Variants in DENND1A observed in about 807,000 individuals in gnomAD.
DENND1A encodes the protein DENN domain-containing protein 1A.
In DENND1A, 51 loss-of-function variants were observed where a neutral mutation model predicts 113.7. The ratio of observed to expected loss-of-function variants is 0.45; its 90% confidence interval spans 0.36 to 0.57. The LOEUF (loss-of-function observed/expected upper bound fraction) is 0.57. Ranked by LOEUF, DENND1A falls within the 20% of genes least tolerant of loss-of-function variation. DENND1A has a pLI of 0.00. For synonymous variants in DENND1A, 565 were observed against 570.8 expected, an observed-to-expected ratio of 0.99 and a Z score of 0.14; for missense variants, 1,258 against 1,395.9, an observed-to-expected ratio of 0.90 and a Z score of 1.57.
chr9:123,385,573 A>C (rs548890462), intron 22 of DENND1A, among the ~76,000 whole-genome samples: 5 of 152,290 alleles, frequency 3.3e-5, no homozygotes, highest in African/African-American at 9.6e-5. Flanking sequence ...CTGGCGGTCA[A>C]GGGTAGGATC....
chr9:123,434,883 A>G (rs1276258744), intron 19 of DENND1A, among the ~76,000 whole-genome samples: 2 of 152,228 alleles, frequency 1.3e-5, no homozygotes, highest in Non-Finnish European at 2.9e-5. Context: ...TGGGGACTAC[A>G]GGGAGTACCA....
chr9:123,394,693 C>T (rs2131114973), intron 21 of DENND1A, among the ~76,000 whole-genome samples: 1 of 152,270 alleles, frequency 6.6e-6, no homozygotes, highest in East Asian at 1.9e-4. Context: ...CGACCACTGG[C>T]TGGACACTCA....
At chr9:123,610,349 T>C (rs1483335755) in intron 10 of DENND1A, among the ~76,000 whole-genome samples, 1 of 152,204 alleles carries the variant, frequency 6.6e-6, no homozygotes, top group East Asian at 1.9e-4. Flanking sequence ...GCAATACCCA[T>C]AGATACAATA....
chr9:123,884,593 C>CCATG (rs1014377075), intron 1 of DENND1A, among the ~76,000 whole-genome samples: 2 of 152,088 alleles, frequency 1.3e-5, no homozygotes, highest in African/African-American at 2.4e-5. Flanking sequence ...TCTAAGCAAA[C>CCATG]CATGCATGCA....
chr9:123,620,714 A>G (rs2060915052), intron 10 of DENND1A, among the ~76,000 whole-genome samples: 1 of 152,192 alleles, frequency 6.6e-6, no homozygotes, highest in Non-Finnish European at 1.5e-5. Context: ...CCTAATCATC[A>G]GTCCCACCAC....
At chr9:123,527,699 C>T (rs1293421321) in intron 13 of DENND1A, among the ~76,000 whole-genome samples, 1 of 152,180 alleles carries the variant, frequency 6.6e-6, no homozygotes, top group Non-Finnish European at 1.5e-5. Context: ...ATTTTCTGCA[C>T]TGGTCTGACC....
intron 10 of DENND1A, among the ~76,000 whole-genome samples, chr9:123,620,339 C>T (rs1378348124): frequency 6.6e-6 from 1 of 151,976 alleles, no homozygotes; most frequent in Non-Finnish European, 1.5e-5. Flanking sequence ...AATGAAGGTG[C>T]ATCTCAGTGT....
chr9:123,525,479 G>A (rs1322223572), intron 13 of DENND1A, among the ~76,000 whole-genome samples: 2 of 152,306 alleles, frequency 1.3e-5, no homozygotes, highest in Non-Finnish European at 2.9e-5. Flanking sequence ...CTGTATACTC[G>A]TGTAGGTAGC....
chr9:123,447,768 G>C (rs2047410769), intron 18 of DENND1A, among the ~76,000 whole-genome samples: 1 of 150,716 alleles, frequency 6.6e-6, no homozygotes, highest in Non-Finnish European at 1.5e-5. Flanking sequence ...AGATAAAGGG[G>C]AGGAGGGAAA....
At chr9:123,561,806 G>A (rs963750588) in intron 12 of DENND1A, among the ~76,000 whole-genome samples, 7 of 152,076 alleles carry the variant, frequency 4.6e-5, no homozygotes, top group South Asian at 2.1e-4. Context: ...CTTGGTTACC[G>A]CAGCATCATC....
chr9:123,744,861 C>T (rs560049390), intron 5 of DENND1A, among the ~76,000 whole-genome samples: 2 of 150,794 alleles, frequency 1.3e-5, no homozygotes, highest in African/African-American at 2.4e-5. Flanking sequence ...CTGCAACCTC[C>T]GCCTCCCAGG....
At chr9:123,813,902 G>A (rs1837044929) in intron 2 of DENND1A, among the ~76,000 whole-genome samples, 2 of 152,170 alleles carry the variant, frequency 1.3e-5, no homozygotes, top group Admixed American at 6.5e-5. Flanking sequence ...CACTTAGGAA[G>A]ACGCTTATCT....
intron 2 of DENND1A, among the ~76,000 whole-genome samples, chr9:123,826,757 C>T (rs1289080002): frequency 6.6e-6 from 1 of 152,194 alleles, no homozygotes; most frequent in Non-Finnish European, 1.5e-5. Context: ...TGTGGACAAG[C>T]ATCTCACCCA....
At chr9:123,737,646 C>G (rs1433983069) in intron 5 of DENND1A, among the ~76,000 whole-genome samples, 2 of 152,058 alleles carry the variant, frequency 1.3e-5, no homozygotes, top group Admixed American at 6.5e-5. Context: ...AAAAGTACTC[C>G]CCGCTCCTCC....
intron 9 of DENND1A, among the ~76,000 whole-genome samples, chr9:123,630,681 AAAG>A (rs1458412396): frequency 6.6e-6 from 1 of 152,230 alleles, no homozygotes; most frequent in Non-Finnish European, 1.5e-5. Context: ...TTCTGATGAT[AAAG>A]CTAATATACG....
chr9:123,494,798 A>T (rs1449422370), intron 13 of DENND1A, among the ~76,000 whole-genome samples: 2 of 149,842 alleles, frequency 1.3e-5, no homozygotes, highest in African/African-American at 4.9e-5. Flanking sequence ...CTTTTTTTGT[A>T]CTTTTTTTTT....
intron 2 of DENND1A, chr9:123,843,007 C>A (rs776348530): frequency 2.7e-5 from 12 of 439,850 alleles, no homozygotes; most frequent in Non-Finnish European, 4.5e-5. Context: ...CTTCCCCAAG[C>A]GAGAGAGATA....
intron 2 of DENND1A, chr9:123,798,149 A>C (rs555075582): frequency 6.6e-6 from 1 of 152,314 alleles, no homozygotes; most frequent in East Asian, 1.9e-4. Flanking sequence ...TTTAAAGTAT[A>C]ATCAAATGCA....
chr9:123,568,079 A>T (rs1257650521), intron 12 of DENND1A, among the ~76,000 whole-genome samples: 8 of 152,032 alleles, frequency 5.3e-5, no homozygotes, highest in Non-Finnish European at 1.2e-4. Context: ...GAATGAGACA[A>T]CTCAGATGGA....
Sources: allele counts gnomAD v4.1 joint callset (sites outside exome capture counted in the v4.1 genomes callset), GRCh38; gene constraint gnomAD v4.1.1; transcripts MANE v1.5; gene names NCBI Gene and HGNC (gene_info 2026-07-23, HGNC 2026-07-21).